Variants in TCF4 observed in about 807,000 individuals in gnomAD.
The protein encoded by TCF4 is transcription factor 4.
In TCF4, 3 loss-of-function variants were observed where a neutral mutation model predicts 82.1. That is an observed-to-expected ratio of 0.04 (90% CI 0.02 to 0.09). TCF4 has a LOEUF of 0.09. Ranked by LOEUF, TCF4 falls within the 10% of genes least tolerant of loss-of-function variation. The pLI is 1.00. For synonymous variants in TCF4, 276 were observed against 309.6 expected (o/e 0.89, Z 1.14); for missense variants, 518 against 852.7 (o/e 0.61, Z 4.89).
At chr18:55,631,638 ACG>A (rs1255273667) in intron 1 of TCF4, among the ~76,000 whole-genome samples, 5 of 152,188 alleles carry the variant, frequency 3.3e-5, no homozygotes, top group African/African-American at 9.6e-5. Context: ...AGGGAAATTG[ACG>A]CATGTCAAAA....
chr18:55,618,338 C>G (rs1179070619), intron 2 of TCF4, among the ~76,000 whole-genome samples: 1 of 152,142 alleles, frequency 6.6e-6, no homozygotes, highest in Non-Finnish European at 1.5e-5. Flanking sequence ...GTGATCTTTA[C>G]ATTTCTAAGA....
At chr18:55,621,032 C>T (rs897177856) in intron 2 of TCF4, among the ~76,000 whole-genome samples, 3 of 151,862 alleles carry the variant, frequency 2.0e-5, no homozygotes, top group Non-Finnish European at 4.4e-5. Context: ...GGTAGTAATA[C>T]CAGAAATCCT....
intron 3 of TCF4, among the ~76,000 whole-genome samples, chr18:55,525,131 C>T (rs2096968019): frequency 6.6e-6 from 1 of 151,906 alleles, no homozygotes; most frequent in African/African-American, 2.4e-5. Flanking sequence ...AGCTAGCTTT[C>T]TTAACTACTA....
chr18:55,572,808 C>A (rs779825209), intron 3 of TCF4, among the ~76,000 whole-genome samples: 1 of 152,118 alleles, frequency 6.6e-6, no homozygotes, highest in Non-Finnish European at 1.5e-5. Context: ...AATCCCAGCA[C>A]TTTGGGAGGC....
At chr18:55,623,449 A>T (rs2147991436) in intron 2 of TCF4, among the ~76,000 whole-genome samples, 1 of 152,328 alleles carries the variant, frequency 6.6e-6, no homozygotes, top group South Asian at 2.1e-4. Context: ...TGTAAATAAG[A>T]CACATTTTTT....
chr18:55,578,304 A>T, intron 3 of TCF4, among the ~76,000 whole-genome samples: 1 of 152,184 alleles, frequency 6.6e-6, no homozygotes, highest in Middle Eastern at 3.4e-3. Flanking sequence ...CATCGAATTG[A>T]GTCCAAGCCT....
At chr18:55,256,354 A>G (rs530354857) in intron 14 of TCF4, among the ~76,000 whole-genome samples, 11 of 152,222 alleles carry the variant, frequency 7.2e-5, no homozygotes, top group African/African-American at 2.6e-4. Flanking sequence ...CACTAAAACA[A>G]CTAATTATGT....
intron 3 of TCF4, chr18:55,551,161 T>G (rs1396870797): frequency 6.6e-6 from 1 of 152,148 alleles, no homozygotes; most frequent in Non-Finnish European, 1.5e-5. Context: ...TCCAGACTGG[T>G]CTCCAACTCC....
chr18:55,391,141 G>A (rs2093050025), intron 6 of TCF4, among the ~76,000 whole-genome samples: 1 of 152,140 alleles, frequency 6.6e-6, no homozygotes, highest in African/African-American at 2.4e-5. Context: ...CACTGATGTT[G>A]TATTGTACCA....
At chr18:55,269,796 T>C (rs1311457777) in intron 11 of TCF4, 35 bp downstream of exon 11, 3 of 1,612,008 alleles carry the variant, frequency 1.9e-6, no homozygotes, top group South Asian at 2.2e-5. Context: ...CTGACACCAA[T>C]TGTTGGTATC....
chr18:55,584,327 T>C (rs1416333695), intron 3 of TCF4, among the ~76,000 whole-genome samples: 1 of 152,162 alleles, frequency 6.6e-6, no homozygotes, highest in Non-Finnish European at 1.5e-5. Flanking sequence ...TTAAGAATAG[T>C]ACTTGGCCTA....
intron 15 of TCF4, among the ~76,000 whole-genome samples, chr18:55,248,979 G>A (rs938049942): frequency 4.6e-5 from 7 of 152,010 alleles, no homozygotes; most frequent in African/African-American, 1.7e-4. Context: ...TCCTGACCTC[G>A]AGTGATCCAC....
chr18:55,516,502 G>A (rs1014685275), intron 3 of TCF4, among the ~76,000 whole-genome samples: 1 of 152,102 alleles, frequency 6.6e-6, no homozygotes, highest in Non-Finnish European at 1.5e-5. Flanking sequence ...AACTGTAGAA[G>A]GTTAGCCTCT....
intron 6 of TCF4, among the ~76,000 whole-genome samples, chr18:55,382,194 G>A (rs886395476): frequency 1.3e-5 from 2 of 152,094 alleles, no homozygotes; most frequent in Non-Finnish European, 2.9e-5. Flanking sequence ...TAAGTGTGGA[G>A]TTCTGGGAGG....
chr18:55,260,529 A>G (rs767181704), intron 12 of TCF4, among the ~76,000 whole-genome samples: 3 of 152,174 alleles, frequency 2.0e-5, no homozygotes, highest in Non-Finnish European at 2.9e-5. Flanking sequence ...CCAACTGAAG[A>G]GACAAAATCT....
intron 6 of TCF4, among the ~76,000 whole-genome samples, chr18:55,374,590 T>C (rs1231172288): frequency 6.6e-6 from 1 of 151,910 alleles, no homozygotes; most frequent in Non-Finnish European, 1.5e-5. Flanking sequence ...GAAAAATTAG[T>C]AAAAAATCCA....
At chr18:55,455,199 A>AG (rs1323769700) in intron 5 of TCF4, among the ~76,000 whole-genome samples, 2 of 149,894 alleles carry the variant, frequency 1.3e-5, no homozygotes, top group African/African-American at 2.4e-5. Context: ...AAAAAAAAAA[A>AG]AAAAGAAAAG....
chr18:55,500,917 G>T (rs2146024292), intron 3 of TCF4, among the ~76,000 whole-genome samples: 1 of 152,204 alleles, frequency 6.6e-6, no homozygotes, highest in Non-Finnish European at 1.5e-5. Context: ...GGTCAGTATG[G>T]ATATTTGGGG....
intron 8 of TCF4, among the ~76,000 whole-genome samples, chr18:55,282,265 A>G (rs963761061): frequency 2.0e-5 from 3 of 152,194 alleles, no homozygotes; most frequent in Middle Eastern, 3.4e-3. Flanking sequence ...CATTTCAAAT[A>G]TAAGAAAACT....
Sources: allele counts gnomAD v4.1 joint callset (sites outside exome capture counted in the v4.1 genomes callset), GRCh38; gene constraint gnomAD v4.1.1; transcripts MANE v1.5; gene names NCBI Gene and HGNC (gene_info 2026-07-23, HGNC 2026-07-21).